The following WDR5 variants were observed in gnomAD, a reference collection of about 807,000 sequenced individuals.
WDR5 encodes the protein WD repeat-containing protein 5.
For synonymous variants in WDR5, 144 were observed against 161.6 expected (o/e 0.89, Z 0.83); for missense variants, 187 against 416.9 (o/e 0.45, Z 4.80).
rs771197929 is a variant in WDR5, at chr9:134,157,053, C to G, written c.904+460C>G. Among the ~76,000 whole-genome samples, 1 of 152,212 alleles carries G rather than the reference C, an allele frequency of 6.6e-6. No homozygotes were observed. Among genetic ancestry groups the G allele is most frequent in the South Asian group, 2.1e-4 (1 of 4,822 alleles). ...ACGGCGGAGCTGGTTCCCAGGCTAC[C>G]TGGGGTTGCCACCTCTGTGGGTCCC... On this transcript the variant is annotated intron_variant, in intron 13 of 13. Coordinates refer to ENST00000358625, the MANE Select transcript of WDR5 (RefSeq NM_017588.3). This position sits in a 1 kb window ranked among gnomAD's most constrained non-coding sequence, Gnocchi z 5.0.
chr9:134,140,695 T>C lies in WDR5; in HGVS notation c.82-8T>C, dbSNP rs199628955. 19 of 1,613,658 alleles carry C rather than the reference T, an allele frequency of 1.2e-5. No homozygotes were observed. The highest frequency in any genetic ancestry group is 3.3e-5 in the South Asian group (3 of 91,070). ...TGGTGACTTTTTGCTAACTGGTCTT[T>C]CCTGCAGCCTACACCTGTGAAGCCA... On this transcript the variant is annotated splice_region_variant and splice_polypyrimidine_tract_variant and intron_variant, in intron 2 of 13. Transcript: ENST00000358625.
In WDR5 at chr9:134,138,583, C is replaced by T. The variant is rs376781511; in HGVS notation, c.-58-1237C>T. Among the ~76,000 whole-genome samples, 5 of 152,304 alleles carry T rather than the reference C, an allele frequency of 3.3e-5. No homozygotes were observed. The East Asian group carries it at 7.7e-4, about 24-fold the overall frequency. On this transcript the variant is annotated intron_variant, in intron 1 of 13. Coordinates refer to ENST00000358625, the MANE Select transcript of WDR5 (RefSeq NM_017588.3). ...TACAGGGCCTGCCCCTCCTCTCCCC[C>T]TCTCTTGTACTGTACTCGGCCCTAG...
intron 1 of WDR5, among the ~76,000 whole-genome samples, chr9:134,138,246 C>T (rs1831684277): frequency 6.6e-6 from 1 of 152,196 alleles, no homozygotes; most frequent in Non-Finnish European, 1.5e-5. Context: ...CTGACAGGAG[C>T]TGCTCGGCCT....
At position 134,158,854 on chromosome 9, in the gene WDR5, T is replaced by G. The variant is rs1292143448; in HGVS notation, c.*861T>G. 4 of 143,004 alleles carry G rather than the reference T, an allele frequency of 2.8e-5. No individual in the cohort carries two copies. Among genetic ancestry groups the G allele is most frequent in the African/African-American group, 5.2e-5 (2 of 38,550 alleles). The allele number at this position is 143,004 out of a possible 1,614,324, so 8.9% of individuals were successfully genotyped here. On this transcript the variant is annotated 3_prime_UTR_variant, in exon 14 of 14. Coordinates refer to ENST00000358625, the MANE Select transcript of WDR5 (RefSeq NM_017588.3). ...CTCTAGGTTCATTGTTCAGTGTTGC[T>G]GGGGGCGGGGAACGGGGGTGGGGAG...
At chr9:134,139,991 G>C in intron 2 of WDR5, 33 bp downstream of exon 2, 1 of 1,610,984 alleles carries the variant, frequency 6.2e-7, no homozygotes, top group Non-Finnish European at 8.5e-7. Flanking sequence ...GACACCTTCC[G>C]GGGGCAAATA....
At chr9:134,155,870 C>A in intron 12 of WDR5, 103 bp downstream of exon 12, 3 of 1,058,054 alleles carry the variant, frequency 2.8e-6, no homozygotes, top group Non-Finnish European at 2.8e-6. Context: ...CTTTTCTGTG[C>A]CCACAAAATG....
At chr9:134,155,961 C>T (rs906328564) in intron 12 of WDR5, among the ~76,000 whole-genome samples, 194 bp downstream of exon 12, 7 of 152,198 alleles carry the variant, frequency 4.6e-5, no homozygotes, top group Middle Eastern at 3.4e-3. Flanking sequence ...ATCTCCTTAA[C>T]GGAGGCAGGC....
At position 134,140,017 on chromosome 9, in the gene WDR5, G is replaced by A. The variant is rs76011599; in HGVS notation, c.81+59G>A. The A allele has an allele frequency of 3.1e-4, 488 of 1,583,502 alleles. 6 individuals carry two copies. In the East Asian group the frequency reaches 0.01, roughly 33 times the overall value. ...GGGGCAAATACGCTTAGAGAGTCTC[G>A]GAAACATCTCAAGCTCATAAGCCTA... is the stretch of plus-strand genomic sequence containing the variant. On this transcript the variant is annotated intron_variant, in intron 2 of 13. Coordinates refer to ENST00000358625, the MANE Select transcript of WDR5 (RefSeq NM_017588.3).
At chr9:134,144,949 G>T (rs1832093916) in intron 7 of WDR5, among the ~76,000 whole-genome samples, 1 of 152,056 alleles carries the variant, frequency 6.6e-6, no homozygotes, top group African/African-American at 2.4e-5. Flanking sequence ...CTTCTACTTT[G>T]CTTTTTTAGG....
intron 7 of WDR5, among the ~76,000 whole-genome samples, chr9:134,143,105 T>G: frequency 1.4e-5 from 2 of 147,048 alleles, no homozygotes; most frequent in Non-Finnish European, 1.5e-5. Context: ...AAGTGTGAGT[T>G]TTGAGTGGAG....
intron 10 of WDR5, 137 bp from the exon 11 acceptor site, chr9:134,155,203 T>G: frequency 2.0e-6 from 2 of 1,024,964 alleles, no homozygotes; most frequent in Non-Finnish European, 2.7e-6. Context: ...CTTACCCTGA[T>G]GGGGAAGGGG....
Position 134,157,859 on chromosome 9 carries a change from A to T in WDR5, c.905-34A>T. The T allele has an allele frequency of 2.5e-6, 4 of 1,606,712 alleles. No homozygotes were observed. Among genetic ancestry groups the T allele is most frequent in the Non-Finnish European group, 3.4e-6 (4 of 1,173,428 alleles). ...TGGCGTCCCCGACCCAGGCGCAGGG[A>T]TGGCTCTGGTTCTGACTGTGTCTTT... On this transcript the variant is annotated intron_variant, in intron 13 of 13. Transcript: ENST00000358625. The surrounding 1 kb of genome is among the most constrained non-coding windows in gnomAD (Gnocchi z 5.0).
rs755064290 is a variant in WDR5, at chr9:134,139,914, G to A, written c.37G>A (p.Ala13Thr). The A allele has an allele frequency of 1.6e-5, 26 of 1,613,358 alleles. No homozygotes were observed. The highest frequency in any genetic ancestry group is 1.6e-4 in the Middle Eastern group (1 of 6,084). The change falls in exon 2 of 14, where the codon GCC (alanine) becomes ACC (threonine). Residue 13 changes from alanine (A) to threonine (T), a missense_variant. Coordinates refer to ENST00000358625, the MANE Select transcript of WDR5 (RefSeq NM_017588.3). ...GGAGAAGAAGCCCGAGACCGAGGCC[G>A]CCAGAGCACAGCCAACCCCTTCGTC... ...TEEKKPETEAARAQPTPSSSA... is the reference protein window; with the variant it reads ...TEEKKPETEATRAQPTPSSSA...
chr9:134,139,317 A>G (rs965844830), intron 1 of WDR5, among the ~76,000 whole-genome samples: 2 of 152,224 alleles, frequency 1.3e-5, no homozygotes, highest in Non-Finnish European at 2.9e-5. Context: ...GGCGTAGACC[A>G]CTGGGTGCCC....
intron 1 of WDR5, 136 bp from the exon 2 acceptor site, chr9:134,139,684 T>A (rs1831773324): frequency 1.6e-6 from 1 of 613,296 alleles, no homozygotes; most frequent in Non-Finnish European, 2.8e-6. Flanking sequence ...AATAGGGTCC[T>A]CAATTTGGAA....
intron 9 of WDR5, among the ~76,000 whole-genome samples, chr9:134,154,242 A>AG (rs1477775995): frequency 6.6e-6 from 1 of 152,016 alleles, no homozygotes; most frequent in Non-Finnish European, 1.5e-5. Context: ...CCTGGTGTCA[A>AG]GGGGCCCCCG....
At chr9:134,155,844 T>C in intron 12 of WDR5, 77 bp downstream of exon 12, 2 of 1,383,058 alleles carry the variant, frequency 1.4e-6, no homozygotes, top group Non-Finnish European at 2.0e-6. Context: ...TACAGGTTGC[T>C]TTATACTCAG....
At chr9:134,144,361 C>A (rs1832059930) in intron 7 of WDR5, among the ~76,000 whole-genome samples, 2 of 152,190 alleles carry the variant, frequency 1.3e-5, no homozygotes, top group African/African-American at 4.8e-5. Context: ...GACCTTCAGA[C>A]TGGGGCTGAC....
rs1434644972 is a variant in WDR5 at position 134,157,033 on chromosome 9, G to A, written c.904+440G>A. 5.3e-5 allele frequency among the ~76,000 whole-genome samples: 8 copies of A among 152,212 alleles called. No individual in the cohort carries two copies. Among genetic ancestry groups the A allele is most frequent in the Admixed American group, 3.9e-4 (6 of 15,288 alleles). On this transcript the variant is annotated intron_variant, in intron 13 of 13. Transcript: ENST00000358625. The surrounding 1 kb of genome is among the most constrained non-coding windows in gnomAD (Gnocchi z 5.0). Reference sequence around the variant, plus strand: ...ATGCAGGCCTAGTGGGCTCCACGGCGGAGCTGGTTCCCAGGCTACCTGGGG... The same window carrying A: ...ATGCAGGCCTAGTGGGCTCCACGGCAGAGCTGGTTCCCAGGCTACCTGGGG...
Sources: allele counts gnomAD v4.1 joint callset (sites outside exome capture counted in the v4.1 genomes callset), GRCh38; gene constraint gnomAD v4.1.1; non-coding constraint Gnocchi (gnomAD v3.1); transcripts MANE v1.5; gene names NCBI Gene and HGNC (gene_info 2026-07-23, HGNC 2026-07-21).